Variants in ASB18 observed in about 807,000 individuals in gnomAD.
ASB18 encodes the protein ankyrin repeat and SOCS box containing 18.
In ASB18, 33 loss-of-function variants were observed where a neutral mutation model predicts 33.4. The observed-to-expected ratio is 0.99, with a 90% CI of 0.75 to 1.32. ASB18 has a LOEUF of 1.32. Ranked by LOEUF, ASB18 falls within the 40% of genes most tolerant of loss-of-function variation. ASB18 has a pLI of 0.00. For missense variants in ASB18, 694 were observed against 655.5 expected (o/e 1.06, Z -0.64); for synonymous variants, 295 against 307.6 (o/e 0.96, Z 0.43).
chr2:236,241,463 T>G lies in ASB18; in HGVS notation c.206-61A>C. 1 of 1,603,364 alleles carries G rather than the reference T, an allele frequency of 6.2e-7. No individual in the cohort carries two copies. On this transcript the variant is annotated intron_variant, in intron 1 of 5. Transcript: ENST00000409749. This position sits in a 1 kb window ranked among gnomAD's most constrained non-coding sequence, Gnocchi z 4.2. ...GACCCTGCTCTAGCTTGAGGATCCT[T>G]CTCTGTCTTTTGAAATATTTGAAGT...
In ASB18 at chr2:236,237,289, C is replaced by A. The variant is rs1311784285; in HGVS notation, c.596+400G>T. Among the ~76,000 whole-genome samples, 1 of 151,664 alleles carries A rather than the reference C, an allele frequency of 6.6e-6. No homozygotes were observed. Among genetic ancestry groups the A allele is most frequent in the Non-Finnish European group, 1.5e-5 (1 of 67,932 alleles). ...GTGATCACCGCGCTCATTACCTCGGCGTGGCGCCTCCCGCGCGCGCTCGCA... is the reference window on the plus strand; with the variant it reads ...GTGATCACCGCGCTCATTACCTCGGAGTGGCGCCTCCCGCGCGCGCTCGCA... On this transcript the variant is annotated intron_variant, in intron 3 of 5. Transcript: ENST00000409749. The surrounding 1 kb of genome is among the most constrained non-coding windows in gnomAD (Gnocchi z 6.2).
rs974558377 is a variant in ASB18 at position 236,213,209 on chromosome 2, G to T, written c.1101+1153C>A. Among the ~76,000 whole-genome samples, 1 of 151,978 alleles carries T rather than the reference G, an allele frequency of 6.6e-6. No individual in the cohort carries two copies. The highest frequency in any genetic ancestry group is 2.4e-5 in the African/African-American group (1 of 41,356). On this transcript the variant is annotated intron_variant, in intron 4 of 5. Transcript: ENST00000409749. This position sits in a 1 kb window ranked among gnomAD's most constrained non-coding sequence, Gnocchi z 4.8. ...CACAAGACAATTACCCAAAGAGGGG[G>T]TGAGACAGCATCGGGAAAGTGCCAT...
In ASB18 at chr2:236,257,965, G is replaced by A. The variant is rs941154211; in HGVS notation, c.205+6176C>T. Among the ~76,000 whole-genome samples the A allele has an allele frequency of 4.6e-5, 7 of 152,170 alleles. No homozygotes were observed. Among genetic ancestry groups the A allele is most frequent in the Admixed American group, 1.3e-4 (2 of 15,282 alleles). ...TCTCCAGGGAACAGCAGGGACTTGC[G>A]GCATTGCCAATTCCTCCTTCTTTGC... On this transcript the variant is annotated intron_variant, in intron 1 of 5. Transcript: ENST00000409749. This position sits in a 1 kb window ranked among gnomAD's most constrained non-coding sequence, Gnocchi z 5.5.
In ASB18 at chr2:236,194,869, G is replaced by A. The variant is rs76778176; in HGVS notation, c.*3C>T. 9.9e-4 allele frequency: 1,600 copies of A among 1,611,764 alleles called. 16 individuals carry two copies. The African/African-American group carries it at 0.019, about 19-fold the overall frequency. On this transcript the variant is annotated 3_prime_UTR_variant, in exon 6 of 6. Coordinates refer to ENST00000409749, the MANE Select transcript of ASB18 (RefSeq NM_212556.4). This position sits in a 1 kb window ranked among gnomAD's most constrained non-coding sequence, Gnocchi z 4.5. ...AACAGTATTGGTTGCAGCGTTCTGC[G>A]TTTCAGTGCAAAACACCCTGTGGCT...
In ASB18 at chr2:236,219,924, T is replaced by C. The variant is rs952284754; in HGVS notation, c.597-5058A>G. ...GAGGATGTCAGAACAACTTTGTCTT[T>C]ATCTTGCAAGGATTAAGGAGACACC... On this transcript the variant is annotated intron_variant, in intron 3 of 5. Coordinates refer to ENST00000409749, the MANE Select transcript of ASB18 (RefSeq NM_212556.4). This position sits in a 1 kb window ranked among gnomAD's most constrained non-coding sequence, Gnocchi z 6.4. 6.6e-6 allele frequency among the ~76,000 whole-genome samples: 1 copy of C among 152,202 alleles called. No individual in the cohort carries two copies. Among genetic ancestry groups the C allele is most frequent in the African/African-American group, 2.4e-5 (1 of 41,446 alleles).
rs2060597456 is a variant in ASB18 at position 236,237,349 on chromosome 2, CGGGG to C, written c.596+336_596+339del. ...TAATTAAACCCGCGGGGGCCGGGGC[CGGGG>C]CGCGGGGCGGGGGCCGGGGCCGGGG... On this transcript the variant is annotated intron_variant, in intron 3 of 5. Coordinates refer to ENST00000409749, the MANE Select transcript of ASB18 (RefSeq NM_212556.4). The surrounding 1 kb of genome is among the most constrained non-coding windows in gnomAD (Gnocchi z 6.2). Among the ~76,000 whole-genome samples the C allele has an allele frequency of 1.6e-5, 1 of 62,892 alleles. No individual in the cohort carries two copies. Among genetic ancestry groups the C allele is most frequent in the South Asian group, 5.7e-4 (1 of 1,752 alleles). The allele number at this position is 62,892 out of a possible 152,430, so 41.3% of individuals were successfully genotyped here.
intron 1 of ASB18, among the ~76,000 whole-genome samples, chr2:236,242,655 G>T (rs1383781421): frequency 6.6e-6 from 1 of 151,808 alleles, no homozygotes; most frequent in African/African-American, 2.4e-5. Context: ...TCGTAGAGAT[G>T]GGCTTTCACC....
At position 236,200,911 on chromosome 2, in the gene ASB18, C is replaced by T. The variant is rs751832404; in HGVS notation, c.1102-4526G>A. On this transcript the variant is annotated intron_variant, in intron 4 of 5. Coordinates refer to ENST00000409749, the MANE Select transcript of ASB18 (RefSeq NM_212556.4). This position sits in a 1 kb window ranked among gnomAD's most constrained non-coding sequence, Gnocchi z 4.2. ...AAATATTATAACCCATTAATTTTTG[C>T]CTTTATCATTATTAACTCCTTTCTC... Among the ~76,000 whole-genome samples the T allele has an allele frequency of 2.6e-5, 4 of 151,974 alleles. No homozygotes were observed. Among genetic ancestry groups the T allele is most frequent in the African/African-American group, 4.8e-5 (2 of 41,360 alleles).
rs2060491845 is a variant in ASB18, at chr2:236,217,184, G to T, written c.597-2318C>A. ...GCACTTTGGGAGTCTGAGGTGAGTG[G>T]ATCACCTGAGGTCAGGAGTTTGAGA... On this transcript the variant is annotated intron_variant, in intron 3 of 5. Coordinates refer to ENST00000409749, the MANE Select transcript of ASB18 (RefSeq NM_212556.4). This position sits in a 1 kb window ranked among gnomAD's most constrained non-coding sequence, Gnocchi z 5.2. 6.6e-6 allele frequency among the ~76,000 whole-genome samples: 1 copy of T among 152,114 alleles called. No individual in the cohort carries two copies. The highest frequency in any genetic ancestry group is 6.5e-5 in the Admixed American group (1 of 15,278).
Position 236,237,596 on chromosome 2 carries a change from G to T in ASB18, c.596+93C>A. ...GGGTCCGGAGGCGGGGGCTGGGACG[G>T]AGGCGGAGGCGGGGTCGGCGGTCTC... On this transcript the variant is annotated intron_variant, in intron 3 of 5. Transcript: ENST00000409749. The surrounding 1 kb of genome is among the most constrained non-coding windows in gnomAD (Gnocchi z 6.2). 1.8e-6 allele frequency: 2 copies of T among 1,090,534 alleles called. No individual in the cohort carries two copies. Among genetic ancestry groups the T allele is most frequent in the South Asian group, 2.1e-5 (1 of 46,722 alleles). The allele number at this position is 1,090,534 out of a possible 1,614,324, so 67.6% of individuals were successfully genotyped here. A position where few individuals can be genotyped will look rare whatever the true frequency, so the allele number is the denominator to read the frequency against.
intron 3 of ASB18, among the ~76,000 whole-genome samples, chr2:236,230,914 A>G (rs148811354): frequency 4.3e-3 from 653 of 152,068 alleles, no homozygotes; most frequent in Non-Finnish European, 7.6e-3. Context: ...TAAAAAACAG[A>G]GACTGTCAGA....
chr2:236,204,574 A>G lies in ASB18; in HGVS notation c.1102-8189T>C, dbSNP rs1441389264. 6.6e-6 allele frequency among the ~76,000 whole-genome samples: 1 copy of G among 151,958 alleles called. No homozygotes were observed. The highest frequency in any genetic ancestry group is 1.9e-4 in the East Asian group (1 of 5,180). ...AGGTTGGCCAAATCTCTCCCTCTCAAACTTTGGGCTTCGATATCCAGCTGC... is the reference window on the plus strand; with the variant it reads ...AGGTTGGCCAAATCTCTCCCTCTCAGACTTTGGGCTTCGATATCCAGCTGC... On this transcript the variant is annotated intron_variant, in intron 4 of 5. Coordinates refer to ENST00000409749, the MANE Select transcript of ASB18 (RefSeq NM_212556.4). The surrounding 1 kb of genome is among the most constrained non-coding windows in gnomAD (Gnocchi z 5.1).
rs911733288 is a variant in ASB18 at position 236,196,952 on chromosome 2, C to T, written c.1102-567G>A. ...ATTTATAATTCAAGTCCATTAGCTTCACCATAAAGATGGGAACACTATTTG... is the reference window on the plus strand; with the variant it reads ...ATTTATAATTCAAGTCCATTAGCTTTACCATAAAGATGGGAACACTATTTG... On this transcript the variant is annotated intron_variant, in intron 4 of 5. Coordinates refer to ENST00000409749, the MANE Select transcript of ASB18 (RefSeq NM_212556.4). The surrounding 1 kb of genome is among the most constrained non-coding windows in gnomAD (Gnocchi z 5.6). Among the ~76,000 whole-genome samples, 29 of 152,292 alleles carry T rather than the reference C, an allele frequency of 1.9e-4. No individual in the cohort carries two copies. The highest frequency in any genetic ancestry group is 5.8e-4 in the African/African-American group (24 of 41,554).
chr2:236,214,176 G>A lies in ASB18; in HGVS notation c.1101+186C>T, dbSNP rs932024653. 15 of 626,612 alleles carry A rather than the reference G, an allele frequency of 2.4e-5. No individual in the cohort carries two copies. Among genetic ancestry groups the A allele is most frequent in the Non-Finnish European group, 3.7e-5 (14 of 375,276 alleles). 38.8% of individuals were successfully genotyped at this position (626,612 alleles called of 1,614,324 possible). A position where few individuals can be genotyped will look rare whatever the true frequency, so the allele number is the denominator to read the frequency against. ...AGGAACAGCAGTCTAGGCCACACCC[G>A]GGAGCTTGTTGGCAATGCAGGCTCT... On this transcript the variant is annotated intron_variant, in intron 4 of 5. Transcript: ENST00000409749. This position sits in a 1 kb window ranked among gnomAD's most constrained non-coding sequence, Gnocchi z 6.5.
chr2:236,232,570 G>T (rs1431350989), intron 3 of ASB18, among the ~76,000 whole-genome samples: 2 of 151,978 alleles, frequency 1.3e-5, no homozygotes, highest in African/African-American at 4.8e-5. Context: ...GGGGGGAAAA[G>T]AAGACAAATT....
At chr2:236,261,458 G>A (rs961870556) in intron 1 of ASB18, among the ~76,000 whole-genome samples, 41 of 152,252 alleles carry the variant, frequency 2.7e-4, no homozygotes, top group Admixed American at 1.3e-4. Context: ...ACGTCTGACC[G>A]TGTTGCTCCC....
Position 236,257,697 on chromosome 2 carries a change from GCTC to G in ASB18, c.205+6441_205+6443del, listed in dbSNP as rs2060699345. 6.6e-6 allele frequency among the ~76,000 whole-genome samples: 1 copy of G among 152,210 alleles called. No individual in the cohort carries two copies. The highest frequency in any genetic ancestry group is 2.1e-4 in the South Asian group (1 of 4,830). On this transcript the variant is annotated intron_variant, in intron 1 of 5. Coordinates refer to ENST00000409749, the MANE Select transcript of ASB18 (RefSeq NM_212556.4). The surrounding 1 kb of genome is among the most constrained non-coding windows in gnomAD (Gnocchi z 5.5). ...TGACTACAAGTCAGGAAGCATACCT[GCTC>G]CTGCTCTGCTCCTAACTGGCTGTTG...
intron 1 of ASB18, among the ~76,000 whole-genome samples, chr2:236,246,591 T>C (rs1249298138): frequency 6.6e-6 from 1 of 152,008 alleles, no homozygotes; most frequent in Non-Finnish European, 1.5e-5. Flanking sequence ...AAATAGACCA[T>C]GTTTGTAAGG....
At chr2:236,258,231 A>T (rs572606552) in intron 1 of ASB18, among the ~76,000 whole-genome samples, 54 of 152,328 alleles carry the variant, frequency 3.5e-4, no homozygotes, top group South Asian at 8.3e-4. Context: ...CTGGGAAGGC[A>T]GTGTGGGTCG....
Sources: gnomAD v4.1 joint callset for allele counts (sites outside exome capture counted in the v4.1 genomes callset) on GRCh38, gnomAD v4.1.1 for gene constraint, Gnocchi (gnomAD v3.1) non-coding constraint, MANE v1.5 for transcripts, NCBI Gene and HGNC (gene_info 2026-07-23, HGNC 2026-07-21) for gene names.